PDE4D: variants seen among roughly 807,000 people sequenced by gnomAD.
PDE4D encodes the protein 3',5'-cyclic-AMP phosphodiesterase 4D.
In PDE4D, 24 loss-of-function variants were observed where a neutral mutation model predicts 87.4. That is an observed-to-expected ratio of 0.27 (90% CI 0.20 to 0.39). The LOEUF is 0.39. PDE4D is among the 10% of genes least tolerant of loss of function. The probability of loss-of-function intolerance (pLI) is 1.00; values close to 1 mark genes in which losing one functional copy is unlikely to be tolerated. For missense variants in PDE4D, 714 were observed against 1,041.0 expected (o/e 0.69, Z 4.32); for synonymous variants, 384 against 383.2 (o/e 1.00, Z -0.02).
At chr5:60,046,280 G>A (rs1345037918) in intron 2 of PDE4D, among the ~76,000 whole-genome samples, 5 of 152,216 alleles carry the variant, frequency 3.3e-5, no homozygotes, top group Admixed American at 2.0e-4. Context: ...AGACAATGGG[G>A]TTTTCTAGAT....
intron 1 of PDE4D, among the ~76,000 whole-genome samples, chr5:60,238,086 A>G (rs1444633454): frequency 2.0e-5 from 3 of 151,918 alleles, no homozygotes; most frequent in African/African-American, 7.2e-5. Flanking sequence ...AACATAAAAT[A>G]TTGTTTTGAA....
intron 2 of PDE4D, among the ~76,000 whole-genome samples, chr5:59,995,874 T>A (rs954470370): frequency 6.6e-6 from 1 of 152,190 alleles, no homozygotes; most frequent in African/African-American, 2.4e-5. Flanking sequence ...TAAATAAATC[T>A]TGCTGAGGAA....
At chr5:59,012,541 C>G (rs1195900070) in intron 6 of PDE4D, among the ~76,000 whole-genome samples, 1 of 152,096 alleles carries the variant, frequency 6.6e-6, no homozygotes, top group African/African-American at 2.4e-5. Flanking sequence ...CAACAAAGAT[C>G]AGAAGAGACA....
intron 5 of PDE4D, among the ~76,000 whole-genome samples, chr5:59,173,100 T>C (rs1450917827): frequency 6.6e-6 from 1 of 152,182 alleles, no homozygotes; most frequent in Non-Finnish European, 1.5e-5. Flanking sequence ...GCTCATCACC[T>C]TTTTGCTAGG....
chr5:60,031,488 G>C (rs1767240463), intron 2 of PDE4D, among the ~76,000 whole-genome samples: 1 of 152,182 alleles, frequency 6.6e-6, no homozygotes, highest in African/African-American at 2.4e-5. Flanking sequence ...TGCAGAAATT[G>C]GGAACAGCAG....
chr5:59,609,357 A>G (rs1026016318), intron 1 of PDE4D, among the ~76,000 whole-genome samples: 2 of 103,412 alleles, frequency 1.9e-5, no homozygotes, highest in African/African-American at 6.9e-5. Context: ...AAACACGTAT[A>G]TCTCTCTAAT....
At chr5:59,555,003 A>G (rs923177040) in intron 1 of PDE4D, among the ~76,000 whole-genome samples, 1 of 152,324 alleles carries the variant, frequency 6.6e-6, no homozygotes, top group African/African-American at 2.4e-5. Flanking sequence ...ATTCCTGGGT[A>G]TATACCCAAA....
At chr5:60,218,993 T>C (rs1338905931) in intron 1 of PDE4D, among the ~76,000 whole-genome samples, 1 of 152,178 alleles carries the variant, frequency 6.6e-6, no homozygotes, top group Non-Finnish European at 1.5e-5. Flanking sequence ...ATATTTTCTC[T>C]GTATTTTCAA....
At chr5:60,092,516 A>G (rs1365454059) in intron 2 of PDE4D, among the ~76,000 whole-genome samples, 2 of 152,182 alleles carry the variant, frequency 1.3e-5, no homozygotes, top group Non-Finnish European at 2.9e-5. Flanking sequence ...ATTATTACAC[A>G]TTGTATACAT....
At chr5:59,853,793 T>C (rs564815589) in intron 1 of PDE4D, among the ~76,000 whole-genome samples, 168 of 152,184 alleles carry the variant, frequency 1.1e-3, no homozygotes, top group Admixed American at 9.3e-3. Context: ...GCATACACAT[T>C]TGCAAAAATG....
chr5:58,974,588 G>T lies in PDE4D; in HGVS notation c.*76C>A. On this transcript the variant is annotated 3_prime_UTR_variant, in exon 15 of 15. Coordinates refer to ENST00000340635, the MANE Select transcript of PDE4D (RefSeq NM_001104631.2). ...CAGATGACAGTGAGGTGTGACCGTGGTTGTGGCATGTGACATGCACTTTGG... is the reference window on the plus strand; with the variant it reads ...CAGATGACAGTGAGGTGTGACCGTGTTTGTGGCATGTGACATGCACTTTGG... The T allele has an allele frequency of 1.5e-6, 2 of 1,354,900 alleles. No individual in the cohort carries two copies. Among genetic ancestry groups the T allele is most frequent in the South Asian group, 1.5e-5 (1 of 68,172 alleles). The allele number at this position is 1,354,900 out of a possible 1,614,324, so 83.9% of individuals were successfully genotyped here. A position where few individuals can be genotyped will look rare whatever the true frequency, so the allele number is the denominator to read the frequency against.
rs548457540 is a variant in PDE4D, at chr5:59,715,100, A to C, written c.455+178068T>G. 2.0e-5 allele frequency among the ~76,000 whole-genome samples: 3 copies of C among 152,372 alleles called. No homozygotes were observed. The East Asian group carries it at 5.8e-4, about 29-fold the overall frequency. On this transcript the variant is annotated intron_variant, in intron 1 of 14. Coordinates refer to ENST00000340635, the MANE Select transcript of PDE4D (RefSeq NM_001104631.2). Reference sequence around the variant, plus strand: ...GCATATGCTGCCCTTCGGGCTCATGAGAGCATGGCAGGACAGGCTACAGTT... The same window carrying C: ...GCATATGCTGCCCTTCGGGCTCATGCGAGCATGGCAGGACAGGCTACAGTT...
intron 1 of PDE4D, among the ~76,000 whole-genome samples, chr5:59,722,253 C>T (rs900158954): frequency 1.3e-5 from 2 of 152,160 alleles, no homozygotes; most frequent in African/African-American, 4.8e-5. Flanking sequence ...CGTCTTTTGA[C>T]ATAAATAAGA....
chr5:59,247,296 G>A (rs1210523009), intron 1 of PDE4D, among the ~76,000 whole-genome samples: 1 of 152,110 alleles, frequency 6.6e-6, no homozygotes, highest in African/African-American at 2.4e-5. Flanking sequence ...AAGACACATA[G>A]TAAAGTGCTG....
intron 1 of PDE4D, among the ~76,000 whole-genome samples, chr5:60,464,975 G>A (rs1293056483): frequency 6.6e-6 from 1 of 151,958 alleles, no homozygotes; most frequent in African/African-American, 2.4e-5. Context: ...TAGGCATGGT[G>A]GCACATGCCT....
At chr5:60,364,903 A>G (rs987291762) in intron 1 of PDE4D, among the ~76,000 whole-genome samples, 2 of 152,200 alleles carry the variant, frequency 1.3e-5, no homozygotes, top group African/African-American at 4.8e-5. Context: ...TTCACTGCCA[A>G]TCCTAAACCT....
chr5:59,831,788 C>T (rs1236655497), intron 1 of PDE4D, among the ~76,000 whole-genome samples: 1 of 151,988 alleles, frequency 6.6e-6, no homozygotes, highest in Non-Finnish European at 1.5e-5. Flanking sequence ...GCACAGGTTG[C>T]CTAGTAGTTA....
At chr5:59,654,282 T>C (rs568082411) in intron 1 of PDE4D, among the ~76,000 whole-genome samples, 1 of 152,256 alleles carries the variant, frequency 6.6e-6, no homozygotes, top group South Asian at 2.1e-4. Context: ...AAAATAACAA[T>C]GACTTTTATC....
chr5:59,768,865 T>G (rs1400059880), intron 1 of PDE4D, among the ~76,000 whole-genome samples: 2 of 152,208 alleles, frequency 1.3e-5, no homozygotes, highest in Admixed American at 6.5e-5. Context: ...GCGAGTGACT[T>G]CTGCTGCTTA....
Sources: allele counts gnomAD v4.1 joint callset (sites outside exome capture counted in the v4.1 genomes callset), GRCh38; gene constraint gnomAD v4.1.1; transcripts MANE v1.5; gene names NCBI Gene and HGNC (gene_info 2026-07-23, HGNC 2026-07-21).